Variants in UBR2 observed in about 807,000 individuals in gnomAD.
The protein encoded by UBR2 is ubiquitin protein ligase E3 component n-recognin 2.
UBR2 carries 92 observed loss-of-function variants against 247.9 expected under a neutral mutation model. That is an observed-to-expected ratio of 0.37 (90% CI 0.31 to 0.44). UBR2 has a LOEUF of 0.44. Among genes scored for constraint, UBR2 ranks in the 20% least tolerant of loss-of-function variants. UBR2 has a pLI of 1.00. For missense variants in UBR2, 1,613 were observed against 2,112.6 expected (o/e 0.76, Z 4.64); for synonymous variants, 672 against 693.5 (o/e 0.97, Z 0.49).
chr6:42,606,026 C>T (rs1226611066), intron 6 of UBR2, among the ~76,000 whole-genome samples, 167 bp downstream of exon 6: 2 of 152,030 alleles, frequency 1.3e-5, no homozygotes, highest in African/African-American at 2.4e-5. Context: ...AGGCAGATCA[C>T]GAGGTCAGGA....
At chr6:42,649,873 A>G (rs563259859) in intron 22 of UBR2, among the ~76,000 whole-genome samples, 2 of 152,324 alleles carry the variant, frequency 1.3e-5, no homozygotes, top group South Asian at 4.1e-4. Flanking sequence ...TAACTTGCTT[A>G]GGAAAGTTCT....
rs895722534 is a variant in UBR2 at position 42,567,874 on chromosome 6, T to TA, written c.78+3486dup. Among the ~76,000 whole-genome samples the TA allele has an allele frequency of 2.5e-4, 38 of 150,524 alleles. 1 individual carries two copies. Among genetic ancestry groups the TA allele is most frequent in the Admixed American group, 6.6e-4 (10 of 15,090 alleles). On this transcript the variant is annotated intron_variant, in intron 1 of 46. Transcript: ENST00000372901. Reference sequence around the variant, plus strand: ...AACATTAGCTATACCCTGTCTCTACTAAAAAAAAATAAAATAAAATAAATA... The same window carrying TA: ...AACATTAGCTATACCCTGTCTCTACTAAAAAAAAAATAAAATAAAATAAATA...
At chr6:42,686,062 A>G (rs905985686) in intron 44 of UBR2, among the ~76,000 whole-genome samples, 5 of 150,564 alleles carry the variant, frequency 3.3e-5, no homozygotes, top group African/African-American at 1.2e-4. Context: ...AGCAGCATGT[A>G]TTGTTATTTT....
chr6:42,590,401 C>T (rs920638405), intron 2 of UBR2, among the ~76,000 whole-genome samples: 2 of 152,214 alleles, frequency 1.3e-5, no homozygotes, highest in Admixed American at 6.5e-5. Flanking sequence ...CTTTACTTTT[C>T]TTTATATGAA....
At chr6:42,617,219 A>T in intron 10 of UBR2, 190 bp from the exon 11 acceptor site, 1 of 1,610,282 alleles carries the variant, frequency 6.2e-7, no homozygotes, top group East Asian at 2.2e-5. Flanking sequence ...ATTAGAGGTG[A>T]ATCTCCCCCT....
intron 36 of UBR2, among the ~76,000 whole-genome samples, chr6:42,672,629 C>T (rs1358290813): frequency 1.3e-5 from 2 of 152,098 alleles, no homozygotes; most frequent in African/African-American, 2.4e-5. Context: ...CTGCCAGTTC[C>T]TCAATGCTAG....
chr6:42,685,446 AAAGT>A (rs1306438581), intron 44 of UBR2, among the ~76,000 whole-genome samples: 2 of 151,408 alleles, frequency 1.3e-5, no homozygotes, highest in Non-Finnish European at 2.9e-5. Context: ...AATTGCACTT[AAAGT>A]AATAACAGCC....
intron 13 of UBR2, 75 bp downstream of exon 13, chr6:42,632,979 T>G (rs1156928148): frequency 9.9e-7 from 1 of 1,005,952 alleles, no homozygotes; most frequent in Admixed American, 3.6e-5. Context: ...TTTTTTTAAT[T>G]TTTCTTTTTC....
chr6:42,620,652 A>G (rs1183485287), intron 11 of UBR2, among the ~76,000 whole-genome samples: 1 of 150,166 alleles, frequency 6.7e-6, no homozygotes, highest in Non-Finnish European at 1.5e-5. Context: ...ATGGGGTTTC[A>G]CTATGTTGGC....
chr6:42,630,994 A>G lies in UBR2; in HGVS notation c.1282-1558A>G, dbSNP rs150043904. On this transcript the variant is annotated intron_variant, in intron 11 of 46. Coordinates refer to ENST00000372901, the MANE Select transcript of UBR2 (RefSeq NM_001363705.2). ...GCTAATTGTTTTATTTTTTATAGAGACAGGGTTTCACTGTGTTGCCCAGGC... is the reference window on the plus strand; with the variant it reads ...GCTAATTGTTTTATTTTTTATAGAGGCAGGGTTTCACTGTGTTGCCCAGGC... Among the ~76,000 whole-genome samples the G allele has an allele frequency of 5.0e-4, 76 of 152,004 alleles. 2 individuals are homozygous for G. The East Asian group carries it at 8.1e-3, about 16-fold the overall frequency.
intron 28 of UBR2, 136 bp from the exon 29 acceptor site, chr6:42,658,510 A>C: frequency 1.8e-6 from 2 of 1,125,488 alleles, no homozygotes; most frequent in African/African-American, 3.2e-5. Context: ...TCAGTTTAAG[A>C]GTCTTTTCTC....
chr6:42,635,955 G>A (rs558971893), intron 14 of UBR2, among the ~76,000 whole-genome samples: 15 of 152,244 alleles, frequency 9.9e-5, no homozygotes, highest in African/African-American at 2.9e-4. Flanking sequence ...ACATTATGAG[G>A]TTAGGGAGGT....
chr6:42,592,554 C>G (rs192368928), intron 3 of UBR2, among the ~76,000 whole-genome samples: 12 of 152,298 alleles, frequency 7.9e-5, no homozygotes, highest in Admixed American at 2.0e-4. Context: ...CCAGCACCTA[C>G]GACCCACCAG....
chr6:42,659,769 T>G lies in UBR2; in HGVS notation c.3356T>G (p.Val1119Gly). Reference protein sequence around the residue: ...ILCQEEQEVKVESRAMVLAAF... With the variant: ...ILCQEEQEVKGESRAMVLAAF... Reference sequence around the variant, plus strand: ...TGTCAAGAGGAGCAAGAAGTTAAAGTGGAAAGCAGGGCAATGGTCTTGGCA... The same window carrying G: ...TGTCAAGAGGAGCAAGAAGTTAAAGGGGAAAGCAGGGCAATGGTCTTGGCA... The change falls in exon 30 of 47, where the codon GTG (valine) becomes GGG (glycine). Residue 1119 changes from valine to glycine, a missense_variant. Transcript: ENST00000372901. The surrounding 1 kb of genome is among the most constrained non-coding windows in gnomAD (Gnocchi z 4.3). 1.2e-6 allele frequency: 2 copies of G among 1,614,110 alleles called. No homozygotes were observed. The highest frequency in any genetic ancestry group is 1.7e-6 in the Non-Finnish European group (2 of 1,180,018).
At chr6:42,640,147 G>A in intron 15 of UBR2, 62 bp from the exon 16 acceptor site, 1 of 1,315,236 alleles carries the variant, frequency 7.6e-7, no homozygotes, top group Non-Finnish European at 1.1e-6. Context: ...AATATTTAGG[G>A]TATTTTTCCT....
At chr6:42,586,642 G>T (rs1439120581) in intron 2 of UBR2, among the ~76,000 whole-genome samples, 1 of 125,438 alleles carries the variant, frequency 8.0e-6, no homozygotes, top group Non-Finnish European at 1.6e-5. Context: ...TTATTTTTTT[G>T]GCTCTTTAGC....
At chr6:42,642,513 T>C (rs1265626972) in intron 18 of UBR2, 32 bp downstream of exon 18, 4 of 1,556,014 alleles carry the variant, frequency 2.6e-6, no homozygotes. Flanking sequence ...ACTTAAAGGT[T>C]GTGGGGAATC....
Position 42,572,593 on chromosome 6 carries a change from T to C in UBR2, c.79-1141T>C, listed in dbSNP as rs977742089. Among the ~76,000 whole-genome samples, 3 of 152,256 alleles carry C rather than the reference T, an allele frequency of 2.0e-5. No individual in the cohort carries two copies. The East Asian group carries it at 5.8e-4, about 29-fold the overall frequency. ...GTGCAGGTTTGTTACATGAGTATAT[T>C]GCACCTGGGTAGTGAGCATAGTACC... On this transcript the variant is annotated intron_variant, in intron 1 of 46. Coordinates refer to ENST00000372901, the MANE Select transcript of UBR2 (RefSeq NM_001363705.2).
chr6:42,576,810 C>T (rs1197856924), intron 2 of UBR2, among the ~76,000 whole-genome samples: 5 of 152,210 alleles, frequency 3.3e-5, no homozygotes, highest in African/African-American at 7.2e-5. Context: ...CCTGAGCCAC[C>T]GTGCCCGGCC....
Sources: allele counts gnomAD v4.1 joint callset (sites outside exome capture counted in the v4.1 genomes callset), GRCh38; gene constraint gnomAD v4.1.1; non-coding constraint Gnocchi (gnomAD v3.1); transcripts MANE v1.5; gene names NCBI Gene and HGNC (gene_info 2026-07-23, HGNC 2026-07-21).